Variants in RBFOX1 observed in about 807,000 individuals in gnomAD.
RBFOX1 encodes RNA binding fox-1 homolog 1.
In RBFOX1, 8 loss-of-function variants were observed where a neutral mutation model predicts 57.7. That is an observed-to-expected ratio of 0.14 (90% CI 0.08 to 0.25). The LOEUF is 0.25. Ranked by LOEUF, RBFOX1 falls within the 10% of genes least tolerant of loss-of-function variation. The pLI is 1.00. For missense variants in RBFOX1, 611 were observed against 548.5 expected, an observed-to-expected ratio of 1.11 and a Z score of -1.14; for synonymous variants, 326 against 222.4, an observed-to-expected ratio of 1.47 and a Z score of -4.15.
intron 3 of RBFOX1, among the ~76,000 whole-genome samples, chr16:5,860,780 C>A (rs2057193233): frequency 6.6e-6 from 1 of 152,134 alleles, no homozygotes; most frequent in Admixed American, 6.5e-5. Context: ...TCCACAACAT[C>A]ATGAAAAAAG....
chr16:7,445,978 A>G (rs1162920089), intron 4 of RBFOX1, among the ~76,000 whole-genome samples: 1 of 152,188 alleles, frequency 6.6e-6, no homozygotes, highest in Non-Finnish European at 1.5e-5. Context: ...GCCCATTTCA[A>G]GAGTCGGGGA....
At chr16:6,542,421 C>T (rs564108365) in intron 2 of RBFOX1, among the ~76,000 whole-genome samples, 1 of 146,652 alleles carries the variant, frequency 6.8e-6, no homozygotes, top group South Asian at 2.2e-4. Context: ...TCAACAACTG[C>T]AGCTAAGAAA....
intron 2 of RBFOX1, among the ~76,000 whole-genome samples, chr16:6,405,940 G>A (rs907595410): frequency 6.6e-6 from 1 of 152,210 alleles, no homozygotes; most frequent in Non-Finnish European, 1.5e-5. Context: ...TATCACATAT[G>A]TCCAAGGATA....
chr16:5,646,666 G>A (rs144473883), intron 3 of RBFOX1, among the ~76,000 whole-genome samples: 1 of 151,984 alleles, frequency 6.6e-6, no homozygotes, highest in Non-Finnish European at 1.5e-5. Context: ...ATGGAGTCTC[G>A]CTTTGTCACC....
chr16:7,221,816 C>T (rs2092752970), intron 4 of RBFOX1, among the ~76,000 whole-genome samples: 1 of 152,224 alleles, frequency 6.6e-6, no homozygotes. Context: ...TAAGAAAGCA[C>T]ATACAGAGGC....
intron 2 of RBFOX1, among the ~76,000 whole-genome samples, chr16:6,505,473 A>G (rs148670231): frequency 1.3e-5 from 2 of 152,248 alleles, no homozygotes; most frequent in African/African-American, 4.8e-5. Flanking sequence ...AAATAAAATC[A>G]GAATTGAAAA....
intron 2 of RBFOX1, among the ~76,000 whole-genome samples, chr16:6,515,401 G>A (rs1322503141): frequency 2.6e-5 from 4 of 152,280 alleles, no homozygotes; most frequent in East Asian, 1.9e-4. Flanking sequence ...CCAAACATAT[G>A]AGCCTGAGAT....
intron 2 of RBFOX1, among the ~76,000 whole-genome samples, chr16:6,450,687 A>T (rs1419628009): frequency 7.1e-6 from 1 of 141,396 alleles, no homozygotes; most frequent in Non-Finnish European, 1.5e-5. Context: ...GTGTTTGTCA[A>T]TATGAAGCAA....
At position 5,572,497 on chromosome 16, in the gene RBFOX1, T is replaced by C. The variant is rs149070732; in HGVS notation, c.259-26405T>C. On this transcript the variant is annotated intron_variant, in intron 2 of 2. Transcript: ENST00000585867. Reference sequence around the variant, plus strand: ...GATGCTTGACAGCATCCTAGGTCTCTACTCACTGGATACATGGCAGCATCT... The same window carrying C: ...GATGCTTGACAGCATCCTAGGTCTCCACTCACTGGATACATGGCAGCATCT... Among the ~76,000 whole-genome samples the C allele has an allele frequency of 1.3e-3, 195 of 152,292 alleles. 2 individuals are homozygous for C. The East Asian group carries it at 0.036, about 28-fold the overall frequency.
At chr16:6,582,550 C>G (rs750622135) in intron 2 of RBFOX1, among the ~76,000 whole-genome samples, 1 of 150,736 alleles carries the variant, frequency 6.6e-6, no homozygotes, top group African/African-American at 2.4e-5. Flanking sequence ...ATCCTTGAAT[C>G]TATTAATTCT....
chr16:7,179,541 G>A (rs1306707045), intron 4 of RBFOX1, among the ~76,000 whole-genome samples: 2 of 152,024 alleles, frequency 1.3e-5, no homozygotes, highest in Non-Finnish European at 2.9e-5. Flanking sequence ...CCTGTTAGGT[G>A]TTGGCATTTC....
At chr16:5,394,208 G>C (rs914481245) in intron 1 of RBFOX1, among the ~76,000 whole-genome samples, 5 of 152,062 alleles carry the variant, frequency 3.3e-5, no homozygotes, top group Non-Finnish European at 2.9e-5. Context: ...ATTTTTAGTA[G>C]AGACAGGGCT....
intron 10 of RBFOX1, among the ~76,000 whole-genome samples, chr16:7,610,712 G>T (rs2057319234): frequency 6.6e-6 from 1 of 152,192 alleles, no homozygotes; most frequent in Admixed American, 6.5e-5. Context: ...CAATTCCTTT[G>T]AAATATTTGA....
At chr16:7,140,520 G>T (rs551602847) in intron 4 of RBFOX1, among the ~76,000 whole-genome samples, 1 of 151,972 alleles carries the variant, frequency 6.6e-6, no homozygotes, top group African/African-American at 2.4e-5. Flanking sequence ...TATAGTATGA[G>T]TTTAATAAAT....
chr16:6,868,396 T>C (rs1184157456), intron 3 of RBFOX1, among the ~76,000 whole-genome samples: 4 of 152,146 alleles, frequency 2.6e-5, no homozygotes, highest in East Asian at 1.9e-4. Flanking sequence ...AAGTTTTCTT[T>C]TGGGTTAGTG....
At chr16:5,417,583 A>G (rs765768473) in intron 1 of RBFOX1, among the ~76,000 whole-genome samples, 3 of 152,214 alleles carry the variant, frequency 2.0e-5, no homozygotes, top group Admixed American at 6.5e-5. Context: ...AACAACCAGA[A>G]GAGAGCAAAG....
At chr16:5,670,769 A>G (rs775142622) in intron 3 of RBFOX1, among the ~76,000 whole-genome samples, 3 of 152,220 alleles carry the variant, frequency 2.0e-5, no homozygotes, top group Non-Finnish European at 2.9e-5. Context: ...CCTGTCAACA[A>G]ACTTGGAAGT....
At chr16:6,808,424 T>C (rs2087505831) in intron 3 of RBFOX1, among the ~76,000 whole-genome samples, 1 of 152,056 alleles carries the variant, frequency 6.6e-6, no homozygotes, top group Non-Finnish European at 1.5e-5. Context: ...GTTCCTTTTC[T>C]TGCAGTGAAT....
intron 3 of RBFOX1, among the ~76,000 whole-genome samples, chr16:6,921,641 A>ATTT (rs766460554): frequency 2.3e-5 from 2 of 88,770 alleles, no homozygotes; most frequent in African/African-American, 1.1e-4. Flanking sequence ...ATATATATAT[A>ATTT]TATATTTTTT....
Sources: allele counts gnomAD v4.1 joint callset (sites outside exome capture counted in the v4.1 genomes callset), GRCh38; gene constraint gnomAD v4.1.1; transcripts MANE v1.5; gene names NCBI Gene and HGNC (gene_info 2026-07-23, HGNC 2026-07-21).